Variants in MRLN observed in about 807,000 individuals in gnomAD.
MRLN encodes the protein myoregulin.
At chr10:59,743,408 A>G (rs1841005200) in intron 1 of MRLN, among the ~76,000 whole-genome samples, 1 of 152,222 alleles carries the variant, frequency 6.6e-6, no homozygotes, top group Non-Finnish European at 1.5e-5. Context: ...AAGGAAAATT[A>G]CATTTATCAA....
chr10:59,745,141 A>G (rs540555601), intron 1 of MRLN, among the ~76,000 whole-genome samples: 3 of 152,316 alleles, frequency 2.0e-5, no homozygotes, highest in Admixed American at 1.3e-4. Flanking sequence ...AATAAAAAAA[A>G]GAAAATGAAT....
chr10:59,744,396 G>C (rs1322005197), intron 1 of MRLN, among the ~76,000 whole-genome samples: 2 of 151,470 alleles, frequency 1.3e-5, no homozygotes, highest in South Asian at 4.2e-4. Context: ...CAGCTGCTCC[G>C]TCTGAGAAGT....
rs142232273 is a variant in MRLN, at chr10:59,750,736, C to T, written c.-125+2618G>A. Among the ~76,000 whole-genome samples, 4 of 152,344 alleles carry T rather than the reference C, an allele frequency of 2.6e-5. No homozygotes were observed. The East Asian group carries it at 5.8e-4, about 22-fold the overall frequency. On this transcript the variant is annotated intron_variant, in intron 1 of 2. Transcript: ENST00000414264. Reference sequence around the variant, plus strand: ...CAGTTGTGATGCACTTTTACAAAGCCGGATGAAATGCCCGGAGCCCTGGCT... The same window carrying T: ...CAGTTGTGATGCACTTTTACAAAGCTGGATGAAATGCCCGGAGCCCTGGCT...
chr10:59,748,391 A>G (rs532429780), intron 1 of MRLN, among the ~76,000 whole-genome samples: 37 of 152,312 alleles, frequency 2.4e-4, no homozygotes, highest in African/African-American at 7.5e-4. Flanking sequence ...GAATTATATG[A>G]GAAAGGAAAT....
intron 1 of MRLN, among the ~76,000 whole-genome samples, chr10:59,743,230 GT>G (rs1841003651): frequency 8.2e-6 from 1 of 121,500 alleles, no homozygotes; most frequent in African/African-American, 3.3e-5. Flanking sequence ...ACACCTTGCT[GT>G]TTCCATTTCT....
chr10:59,752,091 T>C (rs1278787381), intron 1 of MRLN, among the ~76,000 whole-genome samples: 1 of 152,252 alleles, frequency 6.6e-6, no homozygotes, highest in Admixed American at 6.5e-5. Context: ...ATCTTAGCTG[T>C]AGACTTAATG....
intron 1 of MRLN, among the ~76,000 whole-genome samples, chr10:59,749,325 A>G (rs561005287): frequency 6.6e-6 from 1 of 152,368 alleles, no homozygotes; most frequent in South Asian, 2.1e-4. Flanking sequence ...GAGGTGACCA[A>G]GGATTTTTAT....
intron 1 of MRLN, among the ~76,000 whole-genome samples, chr10:59,747,491 T>C (rs1841054255): frequency 6.6e-6 from 1 of 152,230 alleles, no homozygotes; most frequent in African/African-American, 2.4e-5. Context: ...CTATTATTAA[T>C]TACAGTTTAG....
chr10:59,737,648 CAAA>C (rs60567923), intron 2 of MRLN, among the ~76,000 whole-genome samples: 2 of 50,284 alleles, frequency 4.0e-5, no homozygotes, highest in Non-Finnish European at 9.5e-5. Flanking sequence ...AGGTACTGAT[CAAA>C]AAAAAAAAAA....
At chr10:59,741,672 C>T (rs1399470945) in intron 1 of MRLN, among the ~76,000 whole-genome samples, 1 of 152,176 alleles carries the variant, frequency 6.6e-6, no homozygotes, top group East Asian at 1.9e-4. Context: ...AGGTGAGCCA[C>T]CACACCCAGC....
intron 1 of MRLN, among the ~76,000 whole-genome samples, chr10:59,748,678 G>A (rs1841067147): frequency 6.6e-6 from 1 of 152,234 alleles, no homozygotes; most frequent in Non-Finnish European, 1.5e-5. Context: ...ACAAGGCCCA[G>A]AGAAGTGCAG....
chr10:59,736,936 T>C lies in MRLN; in HGVS notation c.*124A>G, dbSNP rs1840930763. ...ATACACAATGTTGTTTGTATTGCAG[T>C]GTCCTGTTGGCTTCTAGAATAAATT... On this transcript the variant is annotated 3_prime_UTR_variant, in exon 3 of 3. Transcript: ENST00000414264. 1 of 370,446 alleles carries C rather than the reference T, an allele frequency of 2.7e-6. No homozygotes were observed. The highest frequency in any genetic ancestry group is 1.5e-4 in the South Asian group (1 of 6,746). 22.9% of individuals were successfully genotyped at this position (370,446 alleles called of 1,614,324 possible).
chr10:59,737,484 G>GC (rs1840936876), intron 2 of MRLN, among the ~76,000 whole-genome samples: 1 of 151,926 alleles, frequency 6.6e-6, no homozygotes, highest in African/African-American at 2.4e-5. Flanking sequence ...TTTCATAGTG[G>GC]CCATTCCCTT....
intron 1 of MRLN, chr10:59,744,835 G>T: frequency 5.6e-6 from 1 of 179,928 alleles, no homozygotes; most frequent in Non-Finnish European, 1.1e-5. Flanking sequence ...TCTGAAACAT[G>T]TTCTGTGTCC....
At chr10:59,747,283 G>A (rs1841052643) in intron 1 of MRLN, among the ~76,000 whole-genome samples, 1 of 152,164 alleles carries the variant, frequency 6.6e-6, no homozygotes, top group South Asian at 2.1e-4. Context: ...TTGAGAGATG[G>A]GTCTAGAATC....
chr10:59,745,360 A>C (rs1841032794), intron 1 of MRLN, among the ~76,000 whole-genome samples: 1 of 152,172 alleles, frequency 6.6e-6, no homozygotes, highest in African/African-American at 2.4e-5. Flanking sequence ...CCTTGGTCTT[A>C]TCTCCAACGT....
At chr10:59,738,037 T>C (rs1381425547) in intron 2 of MRLN, 1 of 152,178 alleles carries the variant, frequency 6.6e-6, no homozygotes, top group Non-Finnish European at 1.5e-5. Flanking sequence ...GGTAGACTTT[T>C]AAGAGAGAAT....
chr10:59,749,686 C>A lies in MRLN; in HGVS notation c.-125+3668G>T, dbSNP rs565257453. 9.3e-5 allele frequency among the ~76,000 whole-genome samples: 14 copies of A among 150,948 alleles called. No homozygotes were observed. The East Asian group carries it at 1.4e-3, about 15-fold the overall frequency. On this transcript the variant is annotated intron_variant, in intron 1 of 2. Transcript: ENST00000414264. Reference sequence around the variant, plus strand: ...TCCAGCCTGGGTCTCAAAAAAAAAACAAAACAAAACAAGCAAACAAAAAAA... The same window carrying A: ...TCCAGCCTGGGTCTCAAAAAAAAAAAAAAACAAAACAAGCAAACAAAAAAA...
chr10:59,749,800 T>C (rs1841080619), intron 1 of MRLN, among the ~76,000 whole-genome samples: 1 of 152,162 alleles, frequency 6.6e-6, no homozygotes, highest in Non-Finnish European at 1.5e-5. Context: ...GGCCACTTCC[T>C]TGCAGCCCAG....
Sources: allele counts gnomAD v4.1 joint callset (sites outside exome capture counted in the v4.1 genomes callset), GRCh38; gene constraint gnomAD v4.1.1; transcripts MANE v1.5; gene names NCBI Gene and HGNC (gene_info 2026-07-23, HGNC 2026-07-21).